The following TRIQK variants were observed in gnomAD, a reference collection of about 807,000 sequenced individuals.
TRIQK encodes triple QxxK/R motif containing, also known as triple QxxK/R motif-containing protein.
A neutral mutation model predicts 10.8 loss-of-function variants in TRIQK; 10 were observed. The ratio of observed to expected loss-of-function variants is 0.92; its 90% confidence interval spans 0.57 to 1.57. TRIQK has a LOEUF of 1.57. Among genes scored for constraint, TRIQK ranks in the 40% most tolerant of loss-of-function variants. The probability of loss-of-function intolerance (pLI) is 0.00; values close to 1 mark genes in which losing one functional copy is unlikely to be tolerated. For missense variants in TRIQK, 107 were observed against 97.7 expected (o/e 1.09, Z -0.40); for synonymous variants, 33 against 33.7 (o/e 0.98, Z 0.07).
chr8:92,991,489 A>G (rs528470131), intron 1 of TRIQK, among the ~76,000 whole-genome samples: 1 of 152,230 alleles, frequency 6.6e-6, no homozygotes, highest in East Asian at 1.9e-4. Flanking sequence ...TCGACTAGGT[A>G]TTAATGGAAT....
intron 3 of TRIQK, among the ~76,000 whole-genome samples, chr8:92,902,569 A>G (rs1428317911): frequency 6.6e-6 from 1 of 152,056 alleles, no homozygotes; most frequent in Non-Finnish European, 1.5e-5. Flanking sequence ...TTTGCTTCTT[A>G]TGAAGGTGCT....
At chr8:92,994,284 T>G (rs920236327) in intron 1 of TRIQK, among the ~76,000 whole-genome samples, 2 of 152,138 alleles carry the variant, frequency 1.3e-5, no homozygotes, top group Non-Finnish European at 2.9e-5. Flanking sequence ...AATTCCACCT[T>G]CTATATTTAT....
chr8:92,946,570 G>C (rs543594313), intron 2 of TRIQK, among the ~76,000 whole-genome samples: 1 of 152,174 alleles, frequency 6.6e-6, no homozygotes, highest in South Asian at 2.1e-4. Flanking sequence ...GCTCAGATCA[G>C]AAAATGAGAT....
At chr8:92,934,896 A>G (rs950456304) in intron 2 of TRIQK, among the ~76,000 whole-genome samples, 14 of 151,938 alleles carry the variant, frequency 9.2e-5, no homozygotes, top group African/African-American at 3.1e-4. Flanking sequence ...TAGCTAATAT[A>G]ACTCTACTAT....
intron 1 of TRIQK, among the ~76,000 whole-genome samples, chr8:93,013,393 A>G (rs1416164895): frequency 3.9e-5 from 6 of 152,184 alleles, no homozygotes; most frequent in South Asian, 4.1e-4. Context: ...TGCATGACCT[A>G]TGGAAGTGAC....
intron 1 of TRIQK, among the ~76,000 whole-genome samples, chr8:92,992,775 G>T (rs1315493927): frequency 1.3e-5 from 2 of 152,144 alleles, no homozygotes; most frequent in Non-Finnish European, 2.9e-5. Context: ...GAATGAAACA[G>T]AAGACTGAGT....
At chr8:92,946,402 G>A (rs955947439) in intron 2 of TRIQK, among the ~76,000 whole-genome samples, 2 of 152,094 alleles carry the variant, frequency 1.3e-5, no homozygotes, top group African/African-American at 2.4e-5. Context: ...CTTTAAATAA[G>A]GGAGTCCAGT....
At chr8:92,934,088 T>C (rs765238098) in intron 2 of TRIQK, among the ~76,000 whole-genome samples, 3 of 152,030 alleles carry the variant, frequency 2.0e-5, no homozygotes, top group East Asian at 1.9e-4. Flanking sequence ...GCTATTTCAA[T>C]GGTGAACTGA....
rs1816344399 is a variant in TRIQK, at chr8:92,884,090, T to C, written c.*2532A>G. On this transcript the variant is annotated 3_prime_UTR_variant, in exon 5 of 5. Transcript: ENST00000521988. ...TCTAACACTTAAAAAATCATTACAA[T>C]TTTTTCTGTTTTTGTCTTCTAAATT... 6.6e-6 allele frequency: 1 copy of C among 151,722 alleles called. No individual in the cohort carries two copies. The highest frequency in any genetic ancestry group is 2.1e-4 in the South Asian group (1 of 4,810). The allele number at this position is 151,722 out of a possible 1,614,324, so 9.4% of individuals were successfully genotyped here.
intron 3 of TRIQK, among the ~76,000 whole-genome samples, chr8:92,902,244 A>T (rs1392575729): frequency 6.6e-6 from 1 of 151,580 alleles, no homozygotes; most frequent in African/African-American, 2.4e-5. Context: ...GCTTGCTGAA[A>T]CTCAGGTTCG....
chr8:92,944,482 G>T (rs1015699866), intron 2 of TRIQK, among the ~76,000 whole-genome samples: 2 of 151,904 alleles, frequency 1.3e-5, no homozygotes, highest in African/African-American at 4.8e-5. Context: ...CGAATAAGTG[G>T]ATAAATAAAA....
chr8:92,898,570 A>C (rs960813153), intron 3 of TRIQK, among the ~76,000 whole-genome samples: 1 of 152,068 alleles, frequency 6.6e-6, no homozygotes, highest in African/African-American at 2.4e-5. Context: ...AGAGGTTTTT[A>C]CTTTCCACTC....
At chr8:92,900,852 T>C (rs1808897793) in intron 3 of TRIQK, among the ~76,000 whole-genome samples, 1 of 152,130 alleles carries the variant, frequency 6.6e-6, no homozygotes. Flanking sequence ...TTTAGCAATA[T>C]TGATTTTTCC....
At chr8:92,930,367 G>A (rs2130546648) in intron 2 of TRIQK, among the ~76,000 whole-genome samples, 1 of 127,586 alleles carries the variant, frequency 7.8e-6, no homozygotes, top group Non-Finnish European at 1.6e-5. Context: ...TCCAGCCTAG[G>A]CAACAAAGCG....
At chr8:92,978,464 CCGCTCAA>C (rs1236077622) in intron 1 of TRIQK, among the ~76,000 whole-genome samples, 1 of 152,050 alleles carries the variant, frequency 6.6e-6, no homozygotes, top group African/African-American at 2.4e-5. Context: ...AAGTTTTGAG[CCGCTCAA>C]TTTGTATTCA....
chr8:92,892,840 TAACAAC>T (rs1402822858), intron 3 of TRIQK, among the ~76,000 whole-genome samples: 2 of 151,896 alleles, frequency 1.3e-5, no homozygotes, highest in Non-Finnish European at 2.9e-5. Flanking sequence ...AATATAGGTT[TAACAAC>T]AAGAACAAGA....
At chr8:93,004,443 T>C (rs1813247884) in intron 1 of TRIQK, among the ~76,000 whole-genome samples, 2 of 152,206 alleles carry the variant, frequency 1.3e-5, no homozygotes. Context: ...CCTCCAGGCC[T>C]GAGATGGGAG....
At chr8:92,956,795 A>T (rs1037509874) in intron 1 of TRIQK, among the ~76,000 whole-genome samples, 3 of 151,842 alleles carry the variant, frequency 2.0e-5, no homozygotes, top group Non-Finnish European at 4.4e-5. Context: ...TGTCTCAATT[A>T]AGTTTGTAAA....
intron 1 of TRIQK, among the ~76,000 whole-genome samples, chr8:92,971,205 G>A (rs894527504): frequency 2.6e-5 from 4 of 152,016 alleles, no homozygotes; most frequent in South Asian, 2.1e-4. Context: ...TAGCCTTGTA[G>A]TATAGTTTAA....
Sources: allele counts gnomAD v4.1 joint callset (sites outside exome capture counted in the v4.1 genomes callset), GRCh38; gene constraint gnomAD v4.1.1; transcripts MANE v1.5; gene names NCBI Gene and HGNC (gene_info 2026-07-23, HGNC 2026-07-21).